DNAH17: variants seen among roughly 807,000 people sequenced by gnomAD.
DNAH17 encodes the protein dynein axonemal heavy chain 17.
DNAH17 carries 376 observed loss-of-function variants against 485.6 expected under a neutral mutation model. That is an observed-to-expected ratio of 0.77 (90% CI 0.71 to 0.84). The LOEUF (loss-of-function observed/expected upper bound fraction) is 0.84, where lower values mean the gene tolerates loss of function less well. DNAH17 is among the 40% of genes least tolerant of loss of function. The pLI is 0.00. For missense variants in DNAH17, 6,370 were observed against 5,839.3 expected, an observed-to-expected ratio of 1.09 and a Z score of -2.96; for synonymous variants, 3,031 against 2,405.9, an observed-to-expected ratio of 1.26 and a Z score of -7.60.
At chr17:78,530,548 T>C (rs1270964032) in intron 20 of DNAH17, 36 bp from the exon 21 acceptor site, 1 of 1,576,958 alleles carries the variant, frequency 6.3e-7, no homozygotes, top group Admixed American at 1.7e-5. Flanking sequence ...TGTCATAGCC[T>C]GCAAGCCTAG....
intron 20 of DNAH17, among the ~76,000 whole-genome samples, chr17:78,530,802 G>C (rs1342394443): frequency 6.6e-6 from 1 of 152,210 alleles, no homozygotes; most frequent in Non-Finnish European, 1.5e-5. Flanking sequence ...GAAGCTTCAA[G>C]AGGTGAACCA....
At chr17:78,533,928 C>T (rs950947323) in intron 19 of DNAH17, among the ~76,000 whole-genome samples, 7 of 152,172 alleles carry the variant, frequency 4.6e-5, no homozygotes, top group South Asian at 2.1e-4. Context: ...TCAGGTGATC[C>T]ACCTGCCTCA....
intron 25 of DNAH17, among the ~76,000 whole-genome samples, chr17:78,517,803 A>G (rs1431640166): frequency 1.3e-5 from 2 of 152,216 alleles, no homozygotes; most frequent in Admixed American, 1.3e-4. Flanking sequence ...TCTCTCTCTT[A>G]CAACTGAAAA....
At chr17:78,459,602 C>A (rs2087993206) in intron 60 of DNAH17, among the ~76,000 whole-genome samples, 182 bp downstream of exon 60, 2 of 152,224 alleles carry the variant, frequency 1.3e-5, no homozygotes, top group Admixed American at 1.3e-4. Context: ...GACCTGTAGC[C>A]TGAAGGTTCC....
intron 28 of DNAH17, 40 bp downstream of exon 28, chr17:78,507,418 T>A (rs1318114720): frequency 6.2e-7 from 1 of 1,613,728 alleles, no homozygotes; most frequent in East Asian, 2.2e-5. Context: ...CCACACACAG[T>A]CATTTCTGAA....
chr17:78,548,339 G>C (rs11656368), intron 16 of DNAH17, among the ~76,000 whole-genome samples: 24,778 of 150,188 alleles, frequency 0.16, 2,143 homozygotes, highest in African/African-American at 0.21. Context: ...CAAGTAGCTG[G>C]AACTACAGGC....
chr17:78,512,648 T>C (rs1384625700), intron 26 of DNAH17, among the ~76,000 whole-genome samples: 1 of 151,928 alleles, frequency 6.6e-6, no homozygotes, highest in Non-Finnish European at 1.5e-5. Context: ...ATGATAGAAG[T>C]TAATCAATGG....
intron 54 of DNAH17, 88 bp from the exon 55 acceptor site, chr17:78,468,971 A>G (rs1568101370): frequency 2.0e-6 from 3 of 1,478,712 alleles, no homozygotes; most frequent in East Asian, 4.7e-5. Flanking sequence ...GCACAGGGCC[A>G]TTTTTTCTTT....
Position 78,571,039 on chromosome 17 carries a change from C to G in DNAH17, c.833-6G>C. 6.4e-7 allele frequency: 1 copy of G among 1,565,738 alleles called. No homozygotes were observed. Among genetic ancestry groups the G allele is most frequent in the Non-Finnish European group, 8.7e-7 (1 of 1,154,830 alleles). ...GTCGTTGGCTTCCTTCAGCCCTGCA[C>G]GGAACAAGAACAAGTGCCCACCGGT... On this transcript the variant is annotated splice_polypyrimidine_tract_variant and splice_region_variant and intron_variant, in intron 5 of 80. Coordinates refer to ENST00000389840, the MANE Select transcript of DNAH17 (RefSeq NM_173628.4).
chr17:78,562,017 T>C (rs529185125), intron 11 of DNAH17, 37 bp from the exon 12 acceptor site: 277 of 1,524,164 alleles, frequency 1.8e-4, no homozygotes, highest in Non-Finnish European at 2.4e-4. Context: ...TTCACCACAG[T>C]CTCCTCCCCT....
At chr17:78,516,584 G>A (rs1422869633) in intron 25 of DNAH17, among the ~76,000 whole-genome samples, 1 of 151,998 alleles carries the variant, frequency 6.6e-6, no homozygotes, top group Non-Finnish European at 1.5e-5. Flanking sequence ...CAGCTACTGG[G>A]GAGGCTGAGG....
intron 73 of DNAH17, 50 bp from the exon 74 acceptor site, chr17:78,437,918 C>T (rs1185776735): frequency 1.4e-6 from 2 of 1,428,774 alleles, no homozygotes; most frequent in African/African-American, 2.8e-5. Context: ...GCTCCTGGCC[C>T]ACGAGGAGAG....
At position 78,495,858 on chromosome 17, in the gene DNAH17, TCACCTGGG is replaced by T; in HGVS notation, c.5903+9_5903+16del. ...CCTGGCTCACTGCAGCCACTCACTT[TCACCTGGG>T]CCACGTACCTGAATAAGGCTTTTAG... On this transcript the variant is annotated intron_variant, in intron 38 of 80. Coordinates refer to ENST00000389840, the MANE Select transcript of DNAH17 (RefSeq NM_173628.4). The T allele has an allele frequency of 6.2e-7, 1 of 1,606,548 alleles. No individual in the cohort carries two copies. The highest frequency in any genetic ancestry group is 8.5e-7 in the Non-Finnish European group (1 of 1,174,742).
intron 41 of DNAH17, 150 bp from the exon 42 acceptor site, chr17:78,492,915 G>A (rs2089926364): frequency 7.2e-6 from 6 of 838,984 alleles, no homozygotes; most frequent in Non-Finnish European, 8.6e-6. Context: ...GCAGTGGTGT[G>A]ATCTCAGCTC....
chr17:78,466,753 C>T lies in DNAH17; in HGVS notation c.8842G>A (p.Val2948Met). ...LRVRARKFPA[V>M]VNCTAIDWFH... ...CAGTCGATGGCCGTGCAGTTGACCACAGCTGGGAACTTTCTGGCTCGTACC... is the reference window on the plus strand; with the variant it reads ...CAGTCGATGGCCGTGCAGTTGACCATAGCTGGGAACTTTCTGGCTCGTACC... The change falls in exon 56 of 81, where the codon GTG becomes ATG. Residue 2948 changes from valine (V) to methionine (M), a missense_variant. Coordinates refer to ENST00000389840, the MANE Select transcript of DNAH17 (RefSeq NM_173628.4). 6.2e-7 allele frequency: 1 copy of T among 1,612,010 alleles called. No individual in the cohort carries two copies. The highest frequency in any genetic ancestry group is 2.2e-5 in the East Asian group (1 of 44,716).
In DNAH17 at chr17:78,423,770, G is replaced by A; in HGVS notation, c.*136C>T. The A allele has an allele frequency of 1.7e-6, 2 of 1,170,878 alleles. No homozygotes were observed. Among genetic ancestry groups the A allele is most frequent in the Non-Finnish European group, 2.4e-6 (2 of 824,922 alleles). The allele number at this position is 1,170,878 out of a possible 1,614,324, so 72.5% of individuals were successfully genotyped here. On this transcript the variant is annotated 3_prime_UTR_variant, in exon 81 of 81. Transcript: ENST00000389840. ...TCCACCCTCTGGTTCCGATGTGCTT[G>A]GTTACAAAGCACCTGATTATTTAAG... is the stretch of plus-strand genomic sequence containing the variant.
intron 80 of DNAH17, 114 bp downstream of exon 80, chr17:78,425,232 G>A: frequency 9.4e-7 from 1 of 1,059,832 alleles, no homozygotes; most frequent in African/African-American, 1.6e-5. Flanking sequence ...CCTCTCTCCT[G>A]CCTGTCCCCA....
chr17:78,480,121 G>A (rs957347266), intron 49 of DNAH17, among the ~76,000 whole-genome samples: 1 of 149,366 alleles, frequency 6.7e-6, no homozygotes, highest in African/African-American at 2.5e-5. Context: ...GGCCGAGGAG[G>A]GCAGATCACT....
chr17:78,561,009 C>T, intron 12 of DNAH17, 74 bp from the exon 13 acceptor site: 1 of 1,417,738 alleles, frequency 7.1e-7, no homozygotes, highest in Non-Finnish European at 9.5e-7. Context: ...CCCATCGTTG[C>T]TGCCCGATCT....
Sources: allele counts gnomAD v4.1 joint callset (sites outside exome capture counted in the v4.1 genomes callset), GRCh38; gene constraint gnomAD v4.1.1; transcripts MANE v1.5; gene names NCBI Gene and HGNC (gene_info 2026-07-23, HGNC 2026-07-21).